The following DAB1 variants were observed in gnomAD, a reference collection of about 807,000 sequenced individuals.
DAB1 encodes DAB adaptor protein 1.
Under a neutral mutation model 64.6 loss-of-function variants are expected in DAB1, and 15 were observed. That is an observed-to-expected ratio of 0.23 (90% CI 0.16 to 0.36). DAB1 has a LOEUF of 0.36. Ranked by LOEUF, DAB1 falls within the 10% of genes least tolerant of loss-of-function variation. The pLI, the probability that DAB1 is intolerant of heterozygous loss-of-function variation, is 1.00. For missense variants in DAB1, 596 were observed against 706.7 expected (o/e 0.84, Z 1.78); for synonymous variants, 235 against 251.9 (o/e 0.93, Z 0.64).
chr1:58,188,352 T>C (rs1003406878), intron 4 of DAB1, among the ~76,000 whole-genome samples: 1 of 152,256 alleles, frequency 6.6e-6, no homozygotes, highest in Non-Finnish European at 1.5e-5. Flanking sequence ...CGATTTAATA[T>C]ATGACTTGGT....
chr1:57,115,311 C>G (rs1656012522), intron 4 of DAB1, among the ~76,000 whole-genome samples: 1 of 152,200 alleles, frequency 6.6e-6, no homozygotes, highest in African/African-American at 2.4e-5. Context: ...TATTAAATCA[C>G]ACTTAATTTT....
intron 7 of DAB1, among the ~76,000 whole-genome samples, chr1:57,525,270 A>C (rs1418436913): frequency 1.3e-5 from 2 of 152,354 alleles, no homozygotes; most frequent in South Asian, 2.1e-4. Flanking sequence ...GTAATCAATG[A>C]GTCCATACAG....
chr1:58,397,421 G>A (rs973826520), intron 3 of DAB1, among the ~76,000 whole-genome samples: 3 of 152,188 alleles, frequency 2.0e-5, no homozygotes, highest in African/African-American at 4.8e-5. Flanking sequence ...AGACAGAAAC[G>A]TCTGTGAAGG....
At chr1:58,322,393 G>GA (rs199632403) in intron 4 of DAB1, among the ~76,000 whole-genome samples, 7,044 of 151,810 alleles carry the variant, frequency 0.046, 393 homozygotes, top group East Asian at 0.24. Flanking sequence ...AAATTTACAA[G>GA]AAAAAAACAA....
intron 5 of DAB1, among the ~76,000 whole-genome samples, chr1:58,096,018 T>A (rs1251864089): frequency 6.6e-6 from 1 of 152,200 alleles, no homozygotes. Flanking sequence ...CAGATTCAGC[T>A]GTGGGGTGAT....
At chr1:58,410,491 ACC>A (rs1224539195) in intron 3 of DAB1, among the ~76,000 whole-genome samples, 4 of 152,092 alleles carry the variant, frequency 2.6e-5, no homozygotes, top group African/African-American at 4.8e-5. Flanking sequence ...GAATGCAGAC[ACC>A]CTGTGCTTTA....
At chr1:57,395,402 C>G (rs575587830) in intron 1 of DAB1, among the ~76,000 whole-genome samples, 47 of 152,094 alleles carry the variant, frequency 3.1e-4, no homozygotes, top group South Asian at 6.2e-4. Context: ...ATTTTGCAAG[C>G]CTTACCCTAA....
chr1:58,050,690 TG>T (rs1647589153), intron 5 of DAB1, among the ~76,000 whole-genome samples: 1 of 152,076 alleles, frequency 6.6e-6, no homozygotes. Context: ...CCACCTCGCC[TG>T]GCTAATTTTT....
chr1:58,468,342 ATT>A (rs1280631486), intron 3 of DAB1: 1 of 152,302 alleles, frequency 6.6e-6, no homozygotes. Context: ...ACTCTGCAAC[ATT>A]TTTGTTTTTG....
At chr1:57,443,609 A>G (rs1182152502) in intron 7 of DAB1, among the ~76,000 whole-genome samples, 1 of 152,182 alleles carries the variant, frequency 6.6e-6, no homozygotes, top group Non-Finnish European at 1.5e-5. Flanking sequence ...TGTATCACTT[A>G]GTTATTATTA....
intron 5 of DAB1, among the ~76,000 whole-genome samples, chr1:58,001,759 G>A (rs1352453739): frequency 6.6e-6 from 1 of 152,130 alleles, no homozygotes; most frequent in Non-Finnish European, 1.5e-5. Flanking sequence ...AAGATGTCAG[G>A]TCTTCATCTC....
chr1:57,993,427 C>T (rs1646378051), intron 5 of DAB1, among the ~76,000 whole-genome samples: 1 of 152,164 alleles, frequency 6.6e-6, no homozygotes, highest in Non-Finnish European at 1.5e-5. Context: ...CCTCGGAGAG[C>T]TGCTTTATTG....
At chr1:58,061,627 T>A (rs974959417) in intron 5 of DAB1, among the ~76,000 whole-genome samples, 3 of 152,170 alleles carry the variant, frequency 2.0e-5, no homozygotes. Context: ...CCAAATAAAG[T>A]CACATTCTAA....
chr1:58,530,898 G>A (rs1646425083), intron 1 of DAB1, among the ~76,000 whole-genome samples: 2 of 151,804 alleles, frequency 1.3e-5, no homozygotes, highest in South Asian at 4.2e-4. Flanking sequence ...TCCCTTCCTT[G>A]GTTTATCTAC....
intron 2 of DAB1, among the ~76,000 whole-genome samples, chr1:57,218,515 T>TAA (rs776398255): frequency 0.013 from 943 of 71,418 alleles, 129 homozygotes; most frequent in African/African-American, 0.063. Flanking sequence ...CCCCCATCTC[T>TAA]AAAAAAAAAA....
chr1:57,399,305 A>C (rs1683056108), intron 1 of DAB1, among the ~76,000 whole-genome samples: 1 of 152,206 alleles, frequency 6.6e-6, no homozygotes, highest in South Asian at 2.1e-4. Context: ...CCAAGCATAT[A>C]GCAGGTGCTT....
chr1:58,088,885 G>A (rs1650476068), intron 5 of DAB1, among the ~76,000 whole-genome samples: 1 of 152,176 alleles, frequency 6.6e-6, no homozygotes, highest in African/African-American at 2.4e-5. Flanking sequence ...GCACATGGGA[G>A]GGGCTGCTGA....
intron 2 of DAB1, among the ~76,000 whole-genome samples, chr1:57,146,930 A>G (rs1557808081): frequency 6.6e-6 from 1 of 152,138 alleles, no homozygotes; most frequent in Non-Finnish European, 1.5e-5. Flanking sequence ...TAAAGTATCT[A>G]CCTTACAGCA....
rs112395707 is a variant in DAB1, at chr1:58,394,500, GCAGTA to G, written n.258-51102_258-51098del. 7.4e-3 allele frequency among the ~76,000 whole-genome samples: 1,131 copies of G among 152,288 alleles called. 16 individuals carry two copies. Among genetic ancestry groups the G allele is most frequent in the African/African-American group, 0.026 (1,099 of 41,554 alleles). Reference sequence around the variant, plus strand: ...TACCTCGTGAATGGTTAAATAAATTGCAGTACATCCATACAGTGGGAAAGATGGTC... The same window carrying G: ...TACCTCGTGAATGGTTAAATAAATTGCATCCATACAGTGGGAAAGATGGTC... On this transcript the variant is annotated intron_variant and non_coding_transcript_variant, in intron 3 of 20. Transcript: ENST00000485760.
Sources: gnomAD v4.1 joint callset for allele counts (sites outside exome capture counted in the v4.1 genomes callset) on GRCh38, gnomAD v4.1.1 for gene constraint, MANE v1.5 for transcripts, NCBI Gene and HGNC (gene_info 2026-07-23, HGNC 2026-07-21) for gene names.